Variants in SYNJ1 observed in about 807,000 individuals in gnomAD.
The protein encoded by SYNJ1 is polyphosphatidylinositol phosphatase SYNJ1.
A neutral mutation model predicts 168.2 loss-of-function variants in SYNJ1; 78 were observed. The ratio of observed to expected loss-of-function variants is 0.46; its 90% CI spans 0.39 to 0.56. SYNJ1 has a LOEUF of 0.56. SYNJ1 is among the 20% of genes least tolerant of loss of function. The probability of loss-of-function intolerance (pLI) is 0.00; values close to 1 mark genes in which losing one functional copy is unlikely to be tolerated. For missense variants in SYNJ1, 1,303 were observed against 1,597.6 expected, an observed-to-expected ratio of 0.82 and a Z score of 3.14; for synonymous variants, 539 against 548.6, an observed-to-expected ratio of 0.98 and a Z score of 0.24.
chr21:32,676,505 T>A, intron 12 of SYNJ1, 150 bp from the exon 13 acceptor site: 2 of 646,668 alleles, frequency 3.1e-6, no homozygotes, highest in Non-Finnish European at 5.2e-6. Context: ...GAACACCAAG[T>A]GTTACAAATA....
rs967983270 is a variant in SYNJ1, at chr21:32,646,586, A to G, written c.3054T>C (p.Tyr1018=). Residue 1018 remains tyrosine, a synonymous_variant, in exon 24 of 33, where the codon TAT becomes TAC. Transcript: ENST00000674351. The part of the protein sequence containing the change: ...DFDMEGDVDD[Y]SAEVEELLPQ... ...GAAGAAGTTCCTCCACTTCAGCACT[A>G]TAGTCATCAACATCACCTAAGGAAA... 3 of 1,613,920 alleles carry G rather than the reference A, an allele frequency of 1.9e-6. No homozygotes were observed. The African/African-American group carries it at 4.0e-5, about 22-fold the overall frequency.
chr21:32,645,698 C>A lies in SYNJ1; in HGVS notation c.3339G>T (p.Pro1113=). ...LEPKRPPPPR[P]VAPPTRPAPP... ...GAGCCGGGCGTGTGGGAGGGGCGAC[C>A]GGGCGGGGCGGCGGCGGCCGCTTGG... The change falls in exon 25 of 33, where the codon CCG becomes CCT. Residue 1113 remains proline, a synonymous_variant. Coordinates refer to ENST00000674351, the MANE Select transcript of SYNJ1 (RefSeq NM_203446.3). The A allele has an allele frequency of 1.3e-6, 2 of 1,486,238 alleles. No individual in the cohort carries two copies. The highest frequency in any genetic ancestry group is 1.8e-6 in the Non-Finnish European group (2 of 1,121,590). 92.1% of individuals were successfully genotyped at this position (1,486,238 alleles called of 1,614,324 possible). A position where few individuals can be genotyped will look rare whatever the true frequency, so the allele number is the denominator to read the frequency against.
rs1043719838 is a variant in SYNJ1, at chr21:32,630,098, A to G, written c.*1707T>C. 9.2e-5 allele frequency: 14 copies of G among 152,326 alleles called. No homozygotes were observed. Among genetic ancestry groups the G allele is most frequent in the Non-Finnish European group, 1.8e-4 (12 of 68,040 alleles). 9.4% of individuals were successfully genotyped at this position (152,326 alleles called of 1,614,324 possible). A position where few individuals can be genotyped will look rare whatever the true frequency, so the allele number is the denominator to read the frequency against. On this transcript the variant is annotated 3_prime_UTR_variant, in exon 33 of 33. Transcript: ENST00000674351. The stretch of plus-strand genomic sequence containing the variant: ...CGGTTAGCTCTAATATTTCTCATTG[A>G]ACTTGGTGGTATGTGCCTTCCCTGC...
At position 32,642,490 on chromosome 21, in the gene SYNJ1, G is replaced by A. The variant is rs375910559; in HGVS notation, c.3479-357C>T. 5.9e-5 allele frequency among the ~76,000 whole-genome samples: 9 copies of A among 152,200 alleles called. No individual in the cohort carries two copies. The South Asian group carries it at 8.3e-4, about 14-fold the overall frequency. On this transcript the variant is annotated intron_variant, in intron 27 of 32. Transcript: ENST00000674351. ...AATGGTCACAAGATGCGGCACTGCT[G>A]CCCCTTAGAGTCTGGCAGACAAGTG...
chr21:32,721,210 A>G (rs901218902), intron 2 of SYNJ1, among the ~76,000 whole-genome samples: 3 of 152,360 alleles, frequency 2.0e-5, no homozygotes, highest in African/African-American at 7.2e-5. Context: ...TCAAATTGCA[A>G]TTTAATCAAA....
In SYNJ1 at chr21:32,645,654, G is replaced by T. The variant is rs780343466; in HGVS notation, c.3383C>A (p.Pro1128Gln). The T allele has an allele frequency of 2.0e-6, 3 of 1,531,012 alleles. No homozygotes were observed. The highest frequency in any genetic ancestry group is 1.3e-5 in the South Asian group (1 of 78,260). The allele number at this position is 1,531,012 out of a possible 1,614,324, so 94.8% of individuals were successfully genotyped here. A position where few individuals can be genotyped will look rare whatever the true frequency, so the allele number is the denominator to read the frequency against. Reference sequence around the variant, plus strand: ...AAATAAAAGGTTGTCACCTGAAGGCGGAGGAGGTCTCTGTGGGGGAGCCGG... The same window carrying T: ...AAATAAAAGGTTGTCACCTGAAGGCTGAGGAGGTCTCTGTGGGGGAGCCGG... The part of the protein sequence containing the change: ...TRPAPPQRPP[P>Q]PSGARSPAPT... Residue 1128 changes from proline to glutamine, a missense_variant, in exon 25 of 33, where the codon CCG becomes CAG. Transcript: ENST00000674351.
Position 32,657,826 on chromosome 21 carries a change from T to C in SYNJ1, c.2351A>G (p.Tyr784Cys), listed in dbSNP as rs765697918. ...GTCGTCAGAAAACAAGTCATACTTA[T>C]ATGTCGGAGCAAAGGTTACCTTTCC... is the stretch of plus-strand genomic sequence containing the variant. ...LEGKVTFAPT[Y>C]KYDLFSDDYD... Residue 784 changes from tyrosine (Y) to cysteine (C), a missense_variant, in exon 19 of 33, where the codon TAT becomes TGT. Transcript: ENST00000674351. 4 of 1,614,140 alleles carry C rather than the reference T, an allele frequency of 2.5e-6. No individual in the cohort carries two copies. The highest frequency in any genetic ancestry group is 3.4e-6 in the Non-Finnish European group (4 of 1,180,002).
Position 32,692,237 on chromosome 21 carries a change from T to C in SYNJ1, c.789+1991A>G, listed in dbSNP as rs1016106090. 2.2e-4 allele frequency among the ~76,000 whole-genome samples: 34 copies of C among 152,140 alleles called. 1 individual carries two copies. Among genetic ancestry groups the C allele is most frequent in the Admixed American group, 1.4e-3 (21 of 15,270 alleles). On this transcript the variant is annotated intron_variant, in intron 6 of 32. Transcript: ENST00000674351. Reference sequence around the variant, plus strand: ...TCATAGCCATTAGAGTAGGATCTTATAAAATAGAAGTTCTTGACTTTGAGT... The same window carrying C: ...TCATAGCCATTAGAGTAGGATCTTACAAAATAGAAGTTCTTGACTTTGAGT...
chr21:32,722,248 T>C (rs1449015303), intron 2 of SYNJ1, among the ~76,000 whole-genome samples: 2 of 147,558 alleles, frequency 1.4e-5, no homozygotes, highest in Admixed American at 1.4e-4. Context: ...TGCATGTATG[T>C]ATATGAAATA....
At chr21:32,663,602 A>G (rs535899478) in intron 18 of SYNJ1, among the ~76,000 whole-genome samples, 1 of 152,290 alleles carries the variant, frequency 6.6e-6, no homozygotes, top group East Asian at 1.9e-4. Context: ...TTCCCTGTCT[A>G]TGCTGCCCGA....
intron 17 of SYNJ1, 72 bp downstream of exon 17, chr21:32,665,871 T>C: frequency 2.8e-6 from 4 of 1,406,642 alleles, no homozygotes; most frequent in Non-Finnish European, 3.8e-6. Flanking sequence ...CCAAAAACAT[T>C]GATGTAGAAT....
rs767518207 is a variant in SYNJ1, at chr21:32,656,644, T to A, written c.2795+43A>T. 4 of 1,515,052 alleles carry A rather than the reference T, an allele frequency of 2.6e-6. No homozygotes were observed. In the East Asian group the frequency reaches 9.2e-5, roughly 35 times the overall value. The allele number at this position is 1,515,052 out of a possible 1,614,324, so 93.9% of individuals were successfully genotyped here. A position where few individuals can be genotyped will look rare whatever the true frequency, so the allele number is the denominator to read the frequency against. On this transcript the variant is annotated intron_variant, in intron 21 of 32. Transcript: ENST00000674351. Reference sequence around the variant, plus strand: ...AAGGTGATTTCTATATAGAAATGATTGTTTATGAATCACAAGCTACTTTTG... The same window carrying A: ...AAGGTGATTTCTATATAGAAATGATAGTTTATGAATCACAAGCTACTTTTG...
chr21:32,651,159 A>G (rs761864627), intron 22 of SYNJ1, among the ~76,000 whole-genome samples: 29 of 152,374 alleles, frequency 1.9e-4, no homozygotes, highest in South Asian at 8.3e-4. Context: ...CCATATTCTT[A>G]TAACAAACTT....
At chr21:32,704,305 C>T (rs1316010967) in intron 2 of SYNJ1, among the ~76,000 whole-genome samples, 1 of 152,190 alleles carries the variant, frequency 6.6e-6, no homozygotes, top group Non-Finnish European at 1.5e-5. Context: ...CACACACACA[C>T]CTTAAAGTGC....
intron 31 of SYNJ1, among the ~76,000 whole-genome samples, chr21:32,636,699 G>T (rs2039580691): frequency 6.6e-6 from 1 of 151,858 alleles, no homozygotes; most frequent in South Asian, 2.1e-4. Flanking sequence ...CTCCTCACCT[G>T]CCTCCTGGCC....
intron 31 of SYNJ1, 74 bp from the exon 32 acceptor site, chr21:32,634,958 T>A: frequency 2.0e-6 from 3 of 1,498,656 alleles, no homozygotes; most frequent in Non-Finnish European, 2.8e-6. Context: ...ACCCTAACAA[T>A]TCAGTCAACA....
intron 17 of SYNJ1, among the ~76,000 whole-genome samples, chr21:32,665,516 G>A (rs546240689): frequency 6.6e-6 from 1 of 152,218 alleles, no homozygotes; most frequent in Non-Finnish European, 1.5e-5. Context: ...GTGGAAGGCT[G>A]ATCTAGGACT....
Position 32,726,788 on chromosome 21 carries a change from C to T in SYNJ1, c.108G>A (p.Gly36=). ...HKEECLMFES[G]AVAVLSSAEK... ...ATGACTTACAGAGCACAGCGACAGC[C>T]CCAGACTCGAACATGAGACATTCTT... The change falls in exon 2 of 33, where the codon GGG becomes GGA. Residue 36 remains glycine, a synonymous_variant. Transcript: ENST00000674351. The T allele has an allele frequency of 6.2e-7, 1 of 1,614,148 alleles. No individual in the cohort carries two copies. Among genetic ancestry groups the T allele is most frequent in the Non-Finnish European group, 8.5e-7 (1 of 1,180,038 alleles).
rs111868869 is a variant in SYNJ1, at chr21:32,684,809, T to C, written c.1119-690A>G. ...GACGAATCCCAGTTCTAACACTTGC[T>C]AATTATGAGACTTGCAGCAGATGGA... On this transcript the variant is annotated intron_variant, in intron 9 of 32. Transcript: ENST00000674351. Among the ~76,000 whole-genome samples, 11 of 152,340 alleles carry C rather than the reference T, an allele frequency of 7.2e-5. 1 individual carries two copies. The highest frequency in any genetic ancestry group is 2.6e-4 in the African/African-American group (11 of 41,576).
Sources: allele counts gnomAD v4.1 joint callset (sites outside exome capture counted in the v4.1 genomes callset), GRCh38; gene constraint gnomAD v4.1.1; transcripts MANE v1.5; gene names NCBI Gene and HGNC (gene_info 2026-07-23, HGNC 2026-07-21).